The following HDAC4 variants were observed in gnomAD, a reference collection of about 807,000 sequenced individuals.
The protein encoded by HDAC4 is histone deacetylase A.
Under a neutral mutation model 135.1 loss-of-function variants are expected in HDAC4, and 16 were observed. The observed-to-expected ratio is 0.12, with a 90% confidence interval of 0.08 to 0.18. HDAC4 has a LOEUF of 0.18. Among genes scored for constraint, HDAC4 ranks in the 10% least tolerant of loss-of-function variants. HDAC4 has a pLI of 1.00. For missense variants in HDAC4, 1,143 were observed against 1,511.8 expected (o/e 0.76, Z 4.05); for synonymous variants, 685 against 653.4 (o/e 1.05, Z -0.74).
At chr2:239,053,413 A>G (rs1245377521) in intron 26 of HDAC4, 47 bp downstream of exon 26, 2 of 1,602,352 alleles carry the variant, frequency 1.2e-6, no homozygotes, top group Non-Finnish European at 1.7e-6. Context: ...CAGTGGGCAC[A>G]GTGGGGCTGG....
At chr2:239,076,437 A>G (rs1383060601) in intron 22 of HDAC4, among the ~76,000 whole-genome samples, 3 of 152,254 alleles carry the variant, frequency 2.0e-5, no homozygotes, top group Admixed American at 6.5e-5. Context: ...TCTAAATGCA[A>G]TAATTCACTT....
In HDAC4 at chr2:239,049,916, G is replaced by C. The variant is rs1284287292; in HGVS notation, c.*3181C>G. 1 of 152,594 alleles carries C rather than the reference G, an allele frequency of 6.6e-6. No homozygotes were observed. Among genetic ancestry groups the C allele is most frequent in the Non-Finnish European group, 1.5e-5 (1 of 68,070 alleles). The allele number at this position is 152,594 out of a possible 1,614,324, so 9.5% of individuals were successfully genotyped here. A position where few individuals can be genotyped will look rare whatever the true frequency, so the allele number is the denominator to read the frequency against. On this transcript the variant is annotated 3_prime_UTR_variant, in exon 27 of 27. Coordinates refer to ENST00000543185, the MANE Select transcript of HDAC4 (RefSeq NM_001378414.1). ...GGCGTCATCAGGGTTTCCCTCAAAG[G>C]GATATAAAGTGCTCGCTTGCTGACT...
chr2:239,359,905 C>T (rs767489555), intron 1 of HDAC4, among the ~76,000 whole-genome samples: 12 of 152,128 alleles, frequency 7.9e-5, no homozygotes, highest in Non-Finnish European at 1.2e-4. Context: ...TGGAAACCGG[C>T]GAGAACACAG....
At chr2:239,239,924 G>A (rs550901614) in intron 2 of HDAC4, among the ~76,000 whole-genome samples, 1 of 152,356 alleles carries the variant, frequency 6.6e-6, no homozygotes, top group Non-Finnish European at 1.5e-5. Flanking sequence ...TCTCAGTGCC[G>A]GACGCTAACC....
intron 3 of HDAC4, among the ~76,000 whole-genome samples, chr2:239,218,057 A>G (rs2046741426): frequency 6.6e-6 from 1 of 152,160 alleles, no homozygotes; most frequent in African/African-American, 2.4e-5. Context: ...ATGCCACTGT[A>G]CTCCAGCCTG....
chr2:239,074,355 C>G (rs2034521051), intron 22 of HDAC4, among the ~76,000 whole-genome samples: 1 of 152,260 alleles, frequency 6.6e-6, no homozygotes, highest in South Asian at 2.1e-4. Context: ...GGAGGCTTTA[C>G]TTCCCCACTT....
intron 2 of HDAC4, among the ~76,000 whole-genome samples, chr2:239,321,415 A>G (rs1559362780): frequency 7.6e-6 from 1 of 132,056 alleles, no homozygotes; most frequent in Non-Finnish European, 1.6e-5. Flanking sequence ...CAGCGAGCCG[A>G]GATAGCGCCA....
chr2:239,189,176 T>C (rs547203088), intron 4 of HDAC4, among the ~76,000 whole-genome samples: 1 of 152,378 alleles, frequency 6.6e-6, no homozygotes, highest in East Asian at 1.9e-4. Flanking sequence ...ATATTTCTAT[T>C]AGACGGTGTT....
At chr2:239,274,065 C>T (rs1051477990) in intron 2 of HDAC4, among the ~76,000 whole-genome samples, 1 of 152,202 alleles carries the variant, frequency 6.6e-6, no homozygotes, top group Non-Finnish European at 1.5e-5. Flanking sequence ...TGGCCCTGCT[C>T]AGCCATCGCT....
intron 2 of HDAC4, among the ~76,000 whole-genome samples, chr2:239,348,144 A>C (rs1655406455): frequency 6.6e-6 from 1 of 151,432 alleles, no homozygotes; most frequent in Non-Finnish European, 1.5e-5. Flanking sequence ...GTCCCAGCAA[A>C]TCCACGTCCC....
In HDAC4 at chr2:239,050,853, G is replaced by A. The variant is rs543959972; in HGVS notation, c.*2244C>T. On this transcript the variant is annotated 3_prime_UTR_variant, in exon 27 of 27. Transcript: ENST00000543185. ...AAGAGAAAAAGAGTAAAGACTGGCT[G>A]TCCTGGTCAGGCAATCATACCCTCC... is the stretch of plus-strand genomic sequence containing the variant. 6.5e-5 allele frequency: 10 copies of A among 152,702 alleles called. No homozygotes were observed. Among genetic ancestry groups the A allele is most frequent in the Admixed American group, 5.9e-4 (9 of 15,306 alleles). The allele number at this position is 152,702 out of a possible 1,614,324, so 9.5% of individuals were successfully genotyped here. A position where few individuals can be genotyped will look rare whatever the true frequency, so the allele number is the denominator to read the frequency against.
intron 6 of HDAC4, chr2:239,161,903 CGTG>C (rs1232439265): frequency 2.7e-6 from 1 of 365,426 alleles, no homozygotes; most frequent in Admixed American, 3.6e-5. Flanking sequence ...CTTCTTCTCC[CGTG>C]GCCTCCTTGA....
intron 3 of HDAC4, among the ~76,000 whole-genome samples, chr2:239,198,109 G>A (rs980616334): frequency 2.0e-5 from 3 of 152,082 alleles, no homozygotes; most frequent in Admixed American, 6.5e-5. Context: ...GCCTCCCAAA[G>A]TGCTGGGATT....
At chr2:239,286,282 TA>T (rs1288637214) in intron 2 of HDAC4, among the ~76,000 whole-genome samples, 10 of 151,946 alleles carry the variant, frequency 6.6e-5, no homozygotes, top group Non-Finnish European at 1.3e-4. Flanking sequence ...TGATGCATTT[TA>T]AAAAAAAGAA....
chr2:239,191,120 A>AAGCT, intron 3 of HDAC4: 2 of 415,844 alleles, frequency 4.8e-6, no homozygotes, highest in Non-Finnish European at 9.9e-6. Context: ...ACCCCTCAGA[A>AAGCT]AGCTCCCCAT....
intron 2 of HDAC4, among the ~76,000 whole-genome samples, chr2:239,311,500 C>A (rs1451605279): frequency 6.6e-6 from 1 of 152,176 alleles, no homozygotes; most frequent in African/African-American, 2.4e-5. Context: ...AAGTGTTACA[C>A]CATCCAGTTG....
intron 3 of HDAC4, among the ~76,000 whole-genome samples, chr2:239,196,775 C>T (rs1202670840): frequency 6.6e-5 from 10 of 152,116 alleles, no homozygotes; most frequent in Non-Finnish European, 1.2e-4. Context: ...AGAAGACCCC[C>T]TTGGAGAAAT....
At chr2:239,153,115 T>C (rs758297443) in intron 7 of HDAC4, among the ~76,000 whole-genome samples, 8 of 152,204 alleles carry the variant, frequency 5.3e-5, no homozygotes, top group South Asian at 2.1e-4. Context: ...AAGCTCCGAA[T>C]AGGAGTCACT....
At chr2:239,121,775 C>A (rs946195527) in intron 12 of HDAC4, among the ~76,000 whole-genome samples, 1 of 152,202 alleles carries the variant, frequency 6.6e-6, no homozygotes, top group Non-Finnish European at 1.5e-5. Context: ...AGGCCCCTTG[C>A]CTTGGCACTG....
Sources: gnomAD v4.1 joint callset for allele counts (sites outside exome capture counted in the v4.1 genomes callset) on GRCh38, gnomAD v4.1.1 for gene constraint, MANE v1.5 for transcripts, NCBI Gene and HGNC (gene_info 2026-07-23, HGNC 2026-07-21) for gene names.